The following ATP8A1 variants were observed in gnomAD, a reference collection of about 807,000 sequenced individuals.
ATP8A1 encodes ATPase phospholipid transporting 8A1.
Under a neutral mutation model 177.7 loss-of-function variants are expected in ATP8A1, and 90 were observed. The observed-to-expected ratio is 0.51, with a 90% CI of 0.43 to 0.60. The LOEUF is 0.60. ATP8A1 is among the 20% of genes least tolerant of loss of function. The pLI is 0.00. For missense variants in ATP8A1, 1,072 were observed against 1,392.8 expected (o/e 0.77, Z 3.67); for synonymous variants, 493 against 485.9 (o/e 1.01, Z -0.19).
chr4:42,489,115 C>A (rs1722495087), intron 24 of ATP8A1, among the ~76,000 whole-genome samples: 1 of 152,196 alleles, frequency 6.6e-6, no homozygotes, highest in Admixed American at 6.5e-5. Flanking sequence ...CTTTAACAGA[C>A]TTTCAAACAA....
intron 28 of ATP8A1, 31 bp downstream of exon 28, chr4:42,455,494 A>G (rs1292455133): frequency 1.9e-5 from 31 of 1,613,476 alleles, no homozygotes; most frequent in Non-Finnish European, 2.5e-5. Context: ...GTATTCAATG[A>G]AACAGGAATT....
intron 1 of ATP8A1, among the ~76,000 whole-genome samples, chr4:42,639,328 G>A (rs1451049860): frequency 3.3e-5 from 5 of 152,242 alleles, no homozygotes; most frequent in Non-Finnish European, 7.4e-5. Flanking sequence ...TGTAAAAAAC[G>A]TTAGAGACCA....
chr4:42,639,320 T>C (rs1739708806), intron 1 of ATP8A1, among the ~76,000 whole-genome samples: 1 of 152,164 alleles, frequency 6.6e-6, no homozygotes, highest in Non-Finnish European at 1.5e-5. Context: ...AAAGGTGTTG[T>C]AAAAAACGTT....
At chr4:42,418,502 T>C (rs898984398) in intron 35 of ATP8A1, among the ~76,000 whole-genome samples, 9 of 152,322 alleles carry the variant, frequency 5.9e-5, no homozygotes, top group African/African-American at 2.2e-4. Context: ...AAGATTTGGG[T>C]TATTTTACTT....
At chr4:42,609,279 C>G (rs1200599684) in intron 5 of ATP8A1, among the ~76,000 whole-genome samples, 1 of 152,140 alleles carries the variant, frequency 6.6e-6, no homozygotes, top group Non-Finnish European at 1.5e-5. Context: ...TCCCAGCAAT[C>G]TGTGTTTTAA....
intron 5 of ATP8A1, among the ~76,000 whole-genome samples, chr4:42,602,612 CA>C (rs1289494344): frequency 6.6e-6 from 1 of 151,478 alleles, no homozygotes; most frequent in Non-Finnish European, 1.5e-5. Flanking sequence ...AAAAAAACAC[CA>C]AAAAAATTAG....
intron 24 of ATP8A1, among the ~76,000 whole-genome samples, chr4:42,498,300 T>C (rs941085767): frequency 6.6e-6 from 1 of 152,176 alleles, no homozygotes; most frequent in Non-Finnish European, 1.5e-5. Flanking sequence ...GCATAATACA[T>C]GTAAGTTGAG....
At chr4:42,601,037 T>TC (rs1376258377) in intron 5 of ATP8A1, among the ~76,000 whole-genome samples, 40 of 112,636 alleles carry the variant, frequency 3.6e-4, no homozygotes, top group East Asian at 8.4e-4. Context: ...AATTTTCTTT[T>TC]TTTTTTTTTT....
Position 42,482,334 on chromosome 4 carries a change from C to CAA in ATP8A1, c.2324+3160_2324+3161dup, listed in dbSNP as rs11445014. Reference sequence around the variant, plus strand: ...ACAAAAAAACAAACAAACAAACAAACAAAAAAAAAAAAGAAAAGAAAATAC... The same window carrying CAA: ...ACAAAAAAACAAACAAACAAACAAACAAAAAAAAAAAAAAGAAAAGAAAATAC... On this transcript the variant is annotated intron_variant, in intron 25 of 36. Coordinates refer to ENST00000381668, the MANE Select transcript of ATP8A1 (RefSeq NM_006095.2). 6.1e-3 allele frequency among the ~76,000 whole-genome samples: 880 copies of CAA among 145,060 alleles called. 6 individuals are homozygous for CAA. The highest frequency in any genetic ancestry group is 0.018 in the African/African-American group (688 of 38,248).
chr4:42,422,942 G>C, intron 34 of ATP8A1, 43 bp from the exon 35 acceptor site: 1 of 1,497,638 alleles, frequency 6.7e-7, no homozygotes. Flanking sequence ...AAATACTTCT[G>C]TGAAGATTTT....
chr4:42,647,791 T>C (rs1379540478), intron 1 of ATP8A1, among the ~76,000 whole-genome samples: 1 of 151,732 alleles, frequency 6.6e-6, no homozygotes, highest in East Asian at 1.9e-4. Flanking sequence ...GAAAAAAGAG[T>C]AATATCTCAG....
chr4:42,462,522 G>C (rs993718195), intron 27 of ATP8A1, among the ~76,000 whole-genome samples: 3 of 152,240 alleles, frequency 2.0e-5, no homozygotes, highest in Non-Finnish European at 4.4e-5. Context: ...CTGGGGTTTG[G>C]GAACCTCTGC....
intron 20 of ATP8A1, among the ~76,000 whole-genome samples, chr4:42,528,971 G>T (rs1436115910): frequency 1.3e-5 from 2 of 152,182 alleles, no homozygotes; most frequent in Non-Finnish European, 2.9e-5. Flanking sequence ...AGGATAAGTT[G>T]TTGCATTTGG....
intron 18 of ATP8A1, among the ~76,000 whole-genome samples, chr4:42,550,814 T>C (rs10005634): frequency 0.028 from 4,248 of 152,266 alleles, 187 homozygotes; most frequent in African/African-American, 0.097. Flanking sequence ...ATATAGCTTC[T>C]CTTGTGAAAT....
intron 25 of ATP8A1, among the ~76,000 whole-genome samples, chr4:42,483,894 C>T (rs773854311): frequency 6.6e-6 from 1 of 152,096 alleles, no homozygotes; most frequent in Admixed American, 6.5e-5. Context: ...TTTTATGTGT[C>T]GCACTGCGCC....
At chr4:42,564,456 A>G (rs759815250) in intron 15 of ATP8A1, among the ~76,000 whole-genome samples, 1 of 152,208 alleles carries the variant, frequency 6.6e-6, no homozygotes, top group Non-Finnish European at 1.5e-5. Context: ...AGGCAATGGG[A>G]ACCCACCTCT....
intron 25 of ATP8A1, among the ~76,000 whole-genome samples, chr4:42,476,241 T>TC (rs1350570940): frequency 1.3e-5 from 2 of 151,748 alleles, no homozygotes; most frequent in East Asian, 3.9e-4. Flanking sequence ...TAACAAAGGA[T>TC]CCCCCCTCCT....
chr4:42,432,308 A>G (rs182426922), intron 33 of ATP8A1, among the ~76,000 whole-genome samples: 2 of 152,264 alleles, frequency 1.3e-5, no homozygotes, highest in Non-Finnish European at 2.9e-5. Flanking sequence ...CACAATATTA[A>G]TATCTATATT....
chr4:42,460,581 G>T (rs981491946), intron 27 of ATP8A1, among the ~76,000 whole-genome samples: 10 of 151,960 alleles, frequency 6.6e-5, no homozygotes, highest in African/African-American at 2.4e-4. Flanking sequence ...TAGGGACGGG[G>T]TTTCACCATG....
Sources: allele counts gnomAD v4.1 joint callset (sites outside exome capture counted in the v4.1 genomes callset), GRCh38; gene constraint gnomAD v4.1.1; transcripts MANE v1.5; gene names NCBI Gene and HGNC (gene_info 2026-07-23, HGNC 2026-07-21).